Variants in MEGF11 observed in about 807,000 individuals in gnomAD.
MEGF11 encodes multiple EGF like domains 11.
A neutral mutation model predicts 146.6 loss-of-function variants in MEGF11; 126 were observed. The observed-to-expected ratio is 0.86, with a 90% CI of 0.74 to 1.00. The LOEUF (loss-of-function observed/expected upper bound fraction) is 1.00, where lower values mean the gene tolerates loss of function less well. Ranked by LOEUF, MEGF11 falls within the 50% of genes least tolerant of loss-of-function variation. The pLI is 0.00. For synonymous variants in MEGF11, 532 were observed against 583.4 expected (o/e 0.91, Z 1.27); for missense variants, 1,509 against 1,521.2 (o/e 0.99, Z 0.13).
chr15:66,012,109 T>TC (rs955351010), intron 5 of MEGF11, among the ~76,000 whole-genome samples: 6 of 151,386 alleles, frequency 4.0e-5, no homozygotes, highest in African/African-American at 1.5e-4. Flanking sequence ...ATACCTGTAG[T>TC]CCCAGCTACT....
chr15:66,051,422 C>T lies in MEGF11; in HGVS notation c.394+42980G>A, dbSNP rs186452310. Among the ~76,000 whole-genome samples the T allele has an allele frequency of 2.6e-5, 4 of 152,232 alleles. No homozygotes were observed. In the East Asian group the frequency reaches 5.8e-4, roughly 22 times the overall value. ...AGGAAGTAGACTCTGAGACCTGGTC[C>T]ACCCCAGACCTACCAGGTCAAACAC... On this transcript the variant is annotated intron_variant, in intron 5 of 25. Coordinates refer to ENST00000395614, the MANE Select transcript of MEGF11 (RefSeq NM_001385028.1).
At chr15:65,956,062 A>T (rs781466368) in intron 10 of MEGF11, among the ~76,000 whole-genome samples, 6 of 152,170 alleles carry the variant, frequency 3.9e-5, no homozygotes, top group Non-Finnish European at 8.8e-5. Flanking sequence ...TTCCCTGTGG[A>T]TCAGTGGATC....
chr15:66,008,426 C>T (rs2082594044), intron 5 of MEGF11, among the ~76,000 whole-genome samples: 1 of 102,410 alleles, frequency 9.8e-6, no homozygotes, highest in Non-Finnish European at 2.2e-5. Context: ...CACACACACA[C>T]ACACACACAC....
intron 5 of MEGF11, among the ~76,000 whole-genome samples, chr15:66,025,742 C>T (rs1472390396): frequency 2.0e-5 from 3 of 152,238 alleles, no homozygotes; most frequent in East Asian, 1.9e-4. Context: ...AGCCCCCCGC[C>T]GAGGCTGAGT....
chr15:66,225,436 C>T (rs967623249), intron 1 of MEGF11, among the ~76,000 whole-genome samples: 7 of 152,210 alleles, frequency 4.6e-5, no homozygotes, highest in South Asian at 2.1e-4. Context: ...TAGTGAGGAG[C>T]GGGGAGACCA....
At chr15:66,147,342 A>G (rs1282429293) in intron 1 of MEGF11, among the ~76,000 whole-genome samples, 1 of 152,246 alleles carries the variant, frequency 6.6e-6, no homozygotes, top group East Asian at 1.9e-4. Flanking sequence ...TCATCCAGTC[A>G]TTCACTCAAG....
intron 5 of MEGF11, among the ~76,000 whole-genome samples, chr15:66,037,969 A>G (rs901333312): frequency 1.3e-5 from 2 of 152,230 alleles, no homozygotes; most frequent in African/African-American, 4.8e-5. Flanking sequence ...GGAAATGTAA[A>G]AACAACTGCT....
intron 10 of MEGF11, among the ~76,000 whole-genome samples, chr15:65,949,388 G>A (rs561599312): frequency 6.6e-6 from 1 of 152,248 alleles, no homozygotes; most frequent in Non-Finnish European, 1.5e-5. Context: ...AGAGAAAGGT[G>A]AGAAAAATGC....
chr15:66,221,227 G>C (rs1057474367), intron 1 of MEGF11, among the ~76,000 whole-genome samples: 14 of 152,066 alleles, frequency 9.2e-5, no homozygotes, highest in Admixed American at 2.6e-4. Flanking sequence ...CAGTACTTCT[G>C]TCTTCCTCTC....
intron 5 of MEGF11, among the ~76,000 whole-genome samples, chr15:66,049,321 G>A (rs2084357065): frequency 6.6e-6 from 1 of 152,162 alleles, no homozygotes; most frequent in African/African-American, 2.4e-5. Context: ...GGGGCTCCTG[G>A]GTCAGGAAAA....
intron 5 of MEGF11, among the ~76,000 whole-genome samples, chr15:66,072,433 A>G (rs145890311): frequency 1.5e-3 from 229 of 152,194 alleles, no homozygotes; most frequent in African/African-American, 5.2e-3. Context: ...TTTATCACCA[A>G]TTGAAATTAC....
chr15:66,181,937 C>T (rs1307665573), intron 1 of MEGF11, among the ~76,000 whole-genome samples: 2 of 152,166 alleles, frequency 1.3e-5, no homozygotes, highest in Admixed American at 6.5e-5. Context: ...GAGGAATGTC[C>T]CCTTGGGCAA....
intron 1 of MEGF11, among the ~76,000 whole-genome samples, chr15:66,215,985 C>T (rs1006884874): frequency 1.3e-5 from 2 of 152,204 alleles, no homozygotes; most frequent in Non-Finnish European, 2.9e-5. Context: ...GAATTATGCA[C>T]ATAAACCCCA....
intron 13 of MEGF11, among the ~76,000 whole-genome samples, chr15:65,928,014 G>A (rs192132942): frequency 1.5e-3 from 227 of 152,336 alleles, no homozygotes; most frequent in Non-Finnish European, 2.4e-3. Context: ...CCAGCAGACC[G>A]TGTGGTGGCA....
intron 24 of MEGF11, among the ~76,000 whole-genome samples, chr15:65,900,354 C>A (rs1386748101): frequency 1.3e-5 from 2 of 152,222 alleles, no homozygotes; most frequent in South Asian, 2.1e-4. Context: ...CAATGGATGT[C>A]TTAGATGTAC....
chr15:66,043,453 A>G (rs1447884293), intron 5 of MEGF11, among the ~76,000 whole-genome samples: 1 of 152,246 alleles, frequency 6.6e-6, no homozygotes, highest in African/African-American at 2.4e-5. Context: ...CCACGATAAT[A>G]CCACACTGCG....
chr15:65,974,959 T>C (rs983622827), intron 7 of MEGF11, among the ~76,000 whole-genome samples: 1 of 151,990 alleles, frequency 6.6e-6, no homozygotes, highest in Non-Finnish European at 1.5e-5. Flanking sequence ...GATTATCCCA[T>C]CTCAGCCTCC....
chr15:65,935,243 C>A (rs557716691), intron 10 of MEGF11, among the ~76,000 whole-genome samples: 16 of 143,614 alleles, frequency 1.1e-4, no homozygotes, highest in African/African-American at 4.1e-4. Context: ...TCGCTTGAAC[C>A]CGGGAGGTGG....
intron 5 of MEGF11, among the ~76,000 whole-genome samples, chr15:66,078,908 G>A (rs1015501487): frequency 2.6e-5 from 4 of 152,154 alleles, no homozygotes; most frequent in African/African-American, 9.7e-5. Flanking sequence ...TGGGCAGAAT[G>A]TACCTCCCTC....
Sources: allele counts gnomAD v4.1 joint callset (sites outside exome capture counted in the v4.1 genomes callset), GRCh38; gene constraint gnomAD v4.1.1; transcripts MANE v1.5; gene names NCBI Gene and HGNC (gene_info 2026-07-23, HGNC 2026-07-21).